The following ANKS1A variants were observed in gnomAD, a reference collection of about 807,000 sequenced individuals.
The protein encoded by ANKS1A is ankyrin repeat and sterile alpha motif domain containing 1A, also known as ankyrin repeat and SAM domain-containing protein 1A.
ANKS1A carries 55 observed loss-of-function variants against 120.3 expected under a neutral mutation model. The ratio of observed to expected loss-of-function variants is 0.46; its 90% CI spans 0.37 to 0.57. The LOEUF (loss-of-function observed/expected upper bound fraction) is 0.57. ANKS1A is among the 20% of genes least tolerant of loss of function. The probability of loss-of-function intolerance (pLI) is 0.00; values close to 1 mark genes in which losing one functional copy is unlikely to be tolerated. For missense variants in ANKS1A, 1,123 were observed against 1,480.3 expected (o/e 0.76, Z 3.96); for synonymous variants, 590 against 604.7 (o/e 0.98, Z 0.36).
chr6:35,088,693 G>A lies in ANKS1A; in HGVS notation c.*84G>A, dbSNP rs990090476. The A allele has an allele frequency of 1.9e-6, 3 of 1,612,974 alleles. No individual in the cohort carries two copies. Among genetic ancestry groups the A allele is most frequent in the South Asian group, 1.1e-5 (1 of 91,034 alleles). On this transcript the variant is annotated 3_prime_UTR_variant, in exon 24 of 24. Transcript: ENST00000360359. ...TGCCACCACCGCCATCGCCTCACCT[G>A]CAGCTCTGAAGACCCAGGCCTCACC...
chr6:35,016,953 T>C (rs1372959778), intron 10 of ANKS1A, among the ~76,000 whole-genome samples: 1 of 149,584 alleles, frequency 6.7e-6, no homozygotes. Context: ...TTTTTTTTTT[T>C]TTTTCTGTTG....
chr6:34,965,360 TATTTA>T (rs1397953971), intron 1 of ANKS1A, among the ~76,000 whole-genome samples: 6 of 152,194 alleles, frequency 3.9e-5, no homozygotes. Context: ...TTTTATTATT[TATTTA>T]TTTTGAGATC....
At chr6:34,972,625 C>T in intron 3 of ANKS1A, 1 of 985,314 alleles carries the variant, frequency 1.0e-6, no homozygotes, top group Non-Finnish European at 1.2e-6. Context: ...GCCCCTTTGA[C>T]CCTTATATCA....
At chr6:34,996,557 C>G (rs1422439372) in intron 10 of ANKS1A, among the ~76,000 whole-genome samples, 1 of 151,978 alleles carries the variant, frequency 6.6e-6, no homozygotes, top group Admixed American at 6.6e-5. Context: ...ACTGCAACCT[C>G]CACTTCCTGG....
chr6:34,931,646 G>C (rs922999845), intron 1 of ANKS1A, among the ~76,000 whole-genome samples: 1 of 152,200 alleles, frequency 6.6e-6, no homozygotes, highest in African/African-American at 2.4e-5. Context: ...AAAATGGTTA[G>C]AGGAGGGAAA....
chr6:35,087,407 G>A (rs2127617567), intron 23 of ANKS1A, among the ~76,000 whole-genome samples: 1 of 152,316 alleles, frequency 6.6e-6, no homozygotes, highest in South Asian at 2.1e-4. Flanking sequence ...GTCTCCAGCA[G>A]GATCCCAACG....
intron 11 of ANKS1A, among the ~76,000 whole-genome samples, chr6:35,019,150 A>G (rs996108241): frequency 1.3e-5 from 2 of 152,200 alleles, no homozygotes; most frequent in Non-Finnish European, 2.9e-5. Context: ...GAGCAGAAGA[A>G]TGTGTTTCTC....
At chr6:35,042,328 G>A (rs539503645) in intron 11 of ANKS1A, among the ~76,000 whole-genome samples, 1 of 152,268 alleles carries the variant, frequency 6.6e-6, no homozygotes, top group South Asian at 2.1e-4. Flanking sequence ...TAGCCACCAT[G>A]TCTCCCCCCT....
At chr6:34,949,327 A>C (rs1769956572) in intron 1 of ANKS1A, among the ~76,000 whole-genome samples, 1 of 152,192 alleles carries the variant, frequency 6.6e-6, no homozygotes, top group Non-Finnish European at 1.5e-5. Context: ...TGATGGAGCC[A>C]GAAGGGTACC....
chr6:35,045,560 C>T lies in ANKS1A; in HGVS notation c.2011-8539C>T, dbSNP rs559528370. ...CACTGCCTTTCCAATGTTCTCGATC[C>T]AGTACATTCGAAATCCTATGCTGAG... On this transcript the variant is annotated intron_variant, in intron 11 of 23. Coordinates refer to ENST00000360359, the MANE Select transcript of ANKS1A (RefSeq NM_015245.3). Among the ~76,000 whole-genome samples the T allele has an allele frequency of 7.9e-5, 12 of 152,304 alleles. No individual in the cohort carries two copies. The East Asian group carries it at 2.3e-3, about 29-fold the overall frequency.
At chr6:35,009,149 A>G (rs1773613067) in intron 10 of ANKS1A, among the ~76,000 whole-genome samples, 1 of 152,104 alleles carries the variant, frequency 6.6e-6, no homozygotes, top group Non-Finnish European at 1.5e-5. Flanking sequence ...GGACTCTTAG[A>G]TTGGTTAGAC....
chr6:34,967,196 G>A (rs777046450), intron 1 of ANKS1A, 43 bp from the exon 2 acceptor site: 54 of 1,596,150 alleles, frequency 3.4e-5, no homozygotes, highest in Admixed American at 1.0e-4. Flanking sequence ...TGTGACTTCG[G>A]TCTGTGAAAT....
Position 35,050,886 on chromosome 6 carries a change from G to A in ANKS1A, c.2011-3213G>A, listed in dbSNP as rs1030401894. Among the ~76,000 whole-genome samples the A allele has an allele frequency of 2.0e-5, 3 of 152,180 alleles. No individual in the cohort carries two copies. Among genetic ancestry groups the A allele is most frequent in the South Asian group, 4.2e-4 (2 of 4,814 alleles). On this transcript the variant is annotated intron_variant, in intron 11 of 23. Coordinates refer to ENST00000360359, the MANE Select transcript of ANKS1A (RefSeq NM_015245.3). The surrounding 1 kb of genome is among the most constrained non-coding windows in gnomAD (Gnocchi z 4.3). ...GGTTACAGGCTGTGAGTCCATTGCC[G>A]AGGACCCTGAGTTTTTCTGGAACTA...
At chr6:35,009,131 A>G (rs74834193) in intron 10 of ANKS1A, among the ~76,000 whole-genome samples, 1,623 of 152,276 alleles carry the variant, frequency 0.011, 15 homozygotes, top group Non-Finnish European at 0.015. Context: ...TCACAAATAT[A>G]CAATTGTGGA....
chr6:35,031,115 C>T (rs1416053188), intron 11 of ANKS1A, among the ~76,000 whole-genome samples: 4 of 152,196 alleles, frequency 2.6e-5, no homozygotes, highest in East Asian at 3.8e-4. Flanking sequence ...GGTACCACAC[C>T]TCCATCAGGA....
chr6:34,934,591 A>C (rs982952106), intron 1 of ANKS1A, among the ~76,000 whole-genome samples: 2 of 152,234 alleles, frequency 1.3e-5, no homozygotes, highest in African/African-American at 4.8e-5. Flanking sequence ...TCTCATTTGA[A>C]GTTACATATC....
chr6:35,025,698 T>G (rs1053604852), intron 11 of ANKS1A, among the ~76,000 whole-genome samples: 3 of 152,166 alleles, frequency 2.0e-5, no homozygotes, highest in Non-Finnish European at 4.4e-5. Context: ...TCATTTTTCC[T>G]TTTCATTCTT....
intron 1 of ANKS1A, among the ~76,000 whole-genome samples, chr6:34,958,139 T>A (rs554583403): frequency 2.0e-5 from 3 of 152,090 alleles, no homozygotes; most frequent in Non-Finnish European, 2.9e-5. Context: ...GGAGTCAAAA[T>A]TCATTTCAGC....
downstream of ANKS1A, among the ~76,000 whole-genome samples, chr6:35,093,640 CG>C (rs992949589): frequency 3.3e-5 from 5 of 152,162 alleles, no homozygotes; most frequent in Admixed American, 2.0e-4. Flanking sequence ...GCCTATGTCT[CG>C]GAAGATCAGT....
Sources: gnomAD v4.1 joint callset for allele counts (sites outside exome capture counted in the v4.1 genomes callset) on GRCh38, gnomAD v4.1.1 for gene constraint, Gnocchi (gnomAD v3.1) non-coding constraint, MANE v1.5 for transcripts, NCBI Gene and HGNC (gene_info 2026-07-23, HGNC 2026-07-21) for gene names.